The following MAGI2 variants were observed in gnomAD, a reference collection of about 807,000 sequenced individuals.
MAGI2 encodes membrane-associated guanylate kinase, WW and PDZ domain-containing protein 2.
MAGI2 carries 35 observed loss-of-function variants against 133.3 expected under a neutral mutation model. The ratio of observed to expected loss-of-function variants is 0.26; its 90% CI spans 0.20 to 0.35. The LOEUF is 0.35. Ranked by LOEUF, MAGI2 falls within the 10% of genes least tolerant of loss-of-function variation. The pLI is 1.00. For synonymous variants in MAGI2, 729 were observed against 710.6 expected, an observed-to-expected ratio of 1.03 and a Z score of -0.41; for missense variants, 1,636 against 1,863.4, an observed-to-expected ratio of 0.88 and a Z score of 2.25.
chr7:78,575,832 T>G (rs1802212670), intron 3 of MAGI2, among the ~76,000 whole-genome samples: 1 of 152,122 alleles, frequency 6.6e-6, no homozygotes, highest in South Asian at 2.1e-4. Context: ...AGGGACATAA[T>G]AATTATATGT....
At chr7:78,676,157 G>A (rs1204937390) in intron 2 of MAGI2, among the ~76,000 whole-genome samples, 1 of 152,014 alleles carries the variant, frequency 6.6e-6, no homozygotes, top group South Asian at 2.1e-4. Flanking sequence ...CCATTATAAA[G>A]AATGAGGTAA....
At chr7:78,582,820 A>T (rs887938515) in intron 3 of MAGI2, among the ~76,000 whole-genome samples, 6 of 152,196 alleles carry the variant, frequency 3.9e-5, no homozygotes, top group African/African-American at 9.7e-5. Context: ...GGGAATAGAA[A>T]ATACACCCAC....
intron 1 of MAGI2, among the ~76,000 whole-genome samples, chr7:79,407,625 G>C (rs957072034): frequency 6.6e-6 from 1 of 152,044 alleles, no homozygotes; most frequent in African/African-American, 2.4e-5. Context: ...CTTGTATTTT[G>C]TGAGAATTTT....
intron 4 of MAGI2, among the ~76,000 whole-genome samples, chr7:78,507,633 A>G (rs1442016374): frequency 6.6e-6 from 1 of 152,200 alleles, no homozygotes; most frequent in Non-Finnish European, 1.5e-5. Context: ...ATGATTTGTT[A>G]AGTGATACTC....
At chr7:78,844,507 A>G (rs1197763707) in intron 2 of MAGI2, among the ~76,000 whole-genome samples, 1 of 151,958 alleles carries the variant, frequency 6.6e-6, no homozygotes. Context: ...GTACTGATCC[A>G]TGCTACAACA....
intron 3 of MAGI2, among the ~76,000 whole-genome samples, chr7:78,609,187 T>G (rs1252869836): frequency 2.0e-5 from 3 of 152,200 alleles, no homozygotes; most frequent in Non-Finnish European, 2.9e-5. Context: ...GACTCAAATG[T>G]TAATCTCCTT....
At chr7:79,212,460 T>C (rs1310028403) in intron 1 of MAGI2, among the ~76,000 whole-genome samples, 3 of 152,122 alleles carry the variant, frequency 2.0e-5, no homozygotes, top group Admixed American at 1.3e-4. Flanking sequence ...CACCTCCCAA[T>C]AAATAGGCTT....
chr7:79,429,447 C>G (rs889748654), intron 1 of MAGI2, among the ~76,000 whole-genome samples: 12 of 151,960 alleles, frequency 7.9e-5, no homozygotes, highest in Non-Finnish European at 8.8e-5. Flanking sequence ...GGATTTCAGG[C>G]GTGTGCCACC....
intron 2 of MAGI2, among the ~76,000 whole-genome samples, chr7:78,739,667 T>G (rs1050532170): frequency 4.6e-5 from 7 of 152,200 alleles, no homozygotes; most frequent in Admixed American, 4.6e-4. Flanking sequence ...GAATCATTCC[T>G]AGGGCTTAAA....
intron 1 of MAGI2, among the ~76,000 whole-genome samples, chr7:79,116,445 C>A (rs532565795): frequency 6.6e-6 from 1 of 152,140 alleles, no homozygotes; most frequent in Non-Finnish European, 1.5e-5. Flanking sequence ...TTCTGTTAAA[C>A]TTTCAGGATC....
intron 4 of MAGI2, among the ~76,000 whole-genome samples, chr7:78,508,934 G>C (rs1457402628): frequency 6.6e-6 from 1 of 150,616 alleles, no homozygotes; most frequent in Non-Finnish European, 1.5e-5. Flanking sequence ...CACCAGACTG[G>C]GTGCAGTGGC....
At chr7:79,310,985 T>C (rs1419125667) in intron 1 of MAGI2, among the ~76,000 whole-genome samples, 1 of 151,824 alleles carries the variant, frequency 6.6e-6, no homozygotes, top group Non-Finnish European at 1.5e-5. Flanking sequence ...CATTTCACTC[T>C]CCTCTTCAGT....
At position 78,019,859 on chromosome 7, in the gene MAGI2, T is replaced by C. The variant is rs765747187; in HGVS notation, c.3824A>G (p.Asp1275Gly). The C allele has an allele frequency of 1.2e-6, 2 of 1,613,258 alleles. No homozygotes were observed. ...GCCTGGGCTTATCTGGTGGGAAGGG[T>C]CGGAGGGTGGGGCTGGATGTGATGG... ...FSPSHPAPPS[D>G]PSHQISPGPT... Residue 1275 changes from aspartate (D) to glycine (G), a missense_variant, in exon 22 of 22, where the codon GAC becomes GGC. Around this residue, in one of 5 missense-constraint regions of MAGI2, gnomAD observed 354 missense variants for 298.7 expected, o/e 1.19. Coordinates refer to ENST00000354212, the MANE Select transcript of MAGI2 (RefSeq NM_012301.4).
chr7:78,847,820 G>T (rs969925561), intron 2 of MAGI2, among the ~76,000 whole-genome samples: 15 of 151,748 alleles, frequency 9.9e-5, no homozygotes, highest in African/African-American at 3.6e-4. Flanking sequence ...TTGTTTGTTT[G>T]TTTATTGACT....
chr7:79,336,030 G>C (rs1840414743), intron 1 of MAGI2, among the ~76,000 whole-genome samples: 1 of 151,966 alleles, frequency 6.6e-6, no homozygotes, highest in Non-Finnish European at 1.5e-5. Context: ...CTAAATTAAT[G>C]AGTCTCCAAA....
chr7:78,573,264 A>AATATATATATATT (rs1801814270), intron 3 of MAGI2, among the ~76,000 whole-genome samples: 1 of 21,776 alleles, frequency 4.6e-5, no homozygotes, highest in Non-Finnish European at 7.7e-5. Context: ...ATAAATATAA[A>AATATATATATATT]TATATATAAA....
rs369260784 is a variant in MAGI2 at position 79,060,957 on chromosome 7, G to T, written c.302-53751C>A. Among the ~76,000 whole-genome samples, 29 of 152,270 alleles carry T rather than the reference G, an allele frequency of 1.9e-4. No individual in the cohort carries two copies. The East Asian group carries it at 5.6e-3, about 29-fold the overall frequency. ...TGGTGGCTCCAGAATTTCTATCTGA[G>T]ATGAGTTTTAAGGGAGGTTATATTG... On this transcript the variant is annotated intron_variant, in intron 1 of 21. Transcript: ENST00000354212.
intron 9 of MAGI2, among the ~76,000 whole-genome samples, chr7:78,300,904 T>C (rs916957555): frequency 6.6e-6 from 1 of 152,230 alleles, no homozygotes; most frequent in Non-Finnish European, 1.5e-5. Flanking sequence ...TTGGGAGGCG[T>C]GCTTATTACA....
At chr7:78,097,502 T>C (rs946104988) in intron 20 of MAGI2, among the ~76,000 whole-genome samples, 2 of 152,196 alleles carry the variant, frequency 1.3e-5, no homozygotes, top group Admixed American at 6.5e-5. Flanking sequence ...AATGAGATCA[T>C]GTCTTTTGTG....
Sources: gnomAD v4.1 joint callset for allele counts (sites outside exome capture counted in the v4.1 genomes callset) on GRCh38, gnomAD v4.1.1 for gene constraint, gnomAD v4.1.1 regional missense constraint, MANE v1.5 for transcripts, NCBI Gene and HGNC (gene_info 2026-07-23, HGNC 2026-07-21) for gene names.